The following NTM variants were observed in gnomAD, a reference collection of about 807,000 sequenced individuals.
The protein encoded by NTM is neurotrimin.
A neutral mutation model predicts 42.1 loss-of-function variants in NTM; 13 were observed. The observed-to-expected ratio is 0.31, with a 90% CI of 0.20 to 0.49. The LOEUF is 0.49. Ranked by LOEUF, NTM falls within the 20% of genes least tolerant of loss-of-function variation. NTM has a pLI of 0.99. For missense variants in NTM, 373 were observed against 452.8 expected (o/e 0.82, Z 1.60); for synonymous variants, 187 against 179.2 (o/e 1.04, Z -0.35).
At chr11:131,402,305 C>T (rs1468741797) in intron 1 of NTM, among the ~76,000 whole-genome samples, 1 of 151,694 alleles carries the variant, frequency 6.6e-6, no homozygotes, top group Non-Finnish European at 1.5e-5. Flanking sequence ...AAGAACTTGT[C>T]TAGGATTCAG....
intron 1 of NTM, among the ~76,000 whole-genome samples, chr11:131,802,526 C>T (rs1357057237): frequency 1.3e-5 from 2 of 152,232 alleles, no homozygotes; most frequent in Non-Finnish European, 2.9e-5. Flanking sequence ...GGAGGCCTGG[C>T]TGTCCCCAGA....
chr11:131,711,223 C>T (rs988808131), intron 1 of NTM, among the ~76,000 whole-genome samples: 2 of 152,082 alleles, frequency 1.3e-5, no homozygotes, highest in African/African-American at 4.8e-5. Flanking sequence ...ATTTTTGCAA[C>T]CTACTCATCT....
chr11:131,419,262 A>G (rs1947267194), intron 1 of NTM, among the ~76,000 whole-genome samples: 2 of 152,238 alleles, frequency 1.3e-5, no homozygotes. Flanking sequence ...TAGAGAGAAC[A>G]GCTAAACTGC....
At chr11:131,476,815 C>A (rs1043353351) in intron 1 of NTM, among the ~76,000 whole-genome samples, 1 of 132,044 alleles carries the variant, frequency 7.6e-6, no homozygotes, top group African/African-American at 2.7e-5. Flanking sequence ...GCTCTCTAAT[C>A]TTTATCTCAG....
At chr11:131,801,780 C>T (rs3931434) in intron 1 of NTM, among the ~76,000 whole-genome samples, 98,405 of 151,842 alleles carry the variant, frequency 0.65, 32,653 homozygotes, top group East Asian at 0.79. Context: ...TGCACAAACC[C>T]GTGCTCTTCC....
intron 1 of NTM, among the ~76,000 whole-genome samples, chr11:131,394,564 G>A (rs1408920807): frequency 3.9e-5 from 6 of 152,156 alleles, no homozygotes; most frequent in African/African-American, 1.4e-4. Context: ...ATTCTTATCT[G>A]AACGAACCTT....
chr11:131,706,306 G>A (rs1010087925), intron 1 of NTM, among the ~76,000 whole-genome samples: 2 of 151,970 alleles, frequency 1.3e-5, no homozygotes, highest in African/African-American at 2.4e-5. Flanking sequence ...AAATATGGAT[G>A]TACCCAGTAT....
At chr11:131,981,456 C>CGTCG (rs1297629906) in intron 2 of NTM, 15 of 152,128 alleles carry the variant, frequency 9.9e-5, no homozygotes, top group Non-Finnish European at 1.8e-4. Flanking sequence ...TCTGCAGGCA[C>CGTCG]GTCGTCCTCA....
chr11:132,301,433 C>T (rs542304138), intron 4 of NTM, among the ~76,000 whole-genome samples: 2 of 152,326 alleles, frequency 1.3e-5, no homozygotes, highest in South Asian at 4.1e-4. Flanking sequence ...CAGCTTCTTT[C>T]CTTTCTGGCC....
chr11:131,849,096 A>AT (rs1280812812), intron 1 of NTM, among the ~76,000 whole-genome samples: 1 of 152,106 alleles, frequency 6.6e-6, no homozygotes, highest in Non-Finnish European at 1.5e-5. Context: ...AAGCTTCCCT[A>AT]TTTTGGCTTA....
chr11:131,877,932 C>T (rs1288231052), intron 1 of NTM: 1 of 152,220 alleles, frequency 6.6e-6, no homozygotes, highest in Non-Finnish European at 1.5e-5. Flanking sequence ...ACGGTGTTCT[C>T]ACGACACCTG....
intron 1 of NTM, among the ~76,000 whole-genome samples, chr11:131,852,183 C>T (rs2045628380): frequency 1.3e-5 from 2 of 152,138 alleles, no homozygotes; most frequent in Non-Finnish European, 2.9e-5. Context: ...AAATGGCAGT[C>T]AGTGTGTGCT....
At chr11:131,939,130 G>A (rs998733118) in intron 2 of NTM, among the ~76,000 whole-genome samples, 1 of 152,128 alleles carries the variant, frequency 6.6e-6, no homozygotes, top group African/African-American at 2.4e-5. Flanking sequence ...AGAAATTGTA[G>A]CTAGAGAGGA....
intron 3 of NTM, among the ~76,000 whole-genome samples, chr11:132,210,339 C>T (rs1190983037): frequency 6.6e-6 from 1 of 152,194 alleles, no homozygotes; most frequent in African/African-American, 2.4e-5. Flanking sequence ...CTGCCAATGA[C>T]CCAACTCTGA....
chr11:132,019,426 A>G (rs1414502374), intron 2 of NTM, among the ~76,000 whole-genome samples: 1 of 151,986 alleles, frequency 6.6e-6, no homozygotes, highest in Non-Finnish European at 1.5e-5. Context: ...CTCCAACTTT[A>G]AATGGTGACT....
chr11:131,696,991 G>A (rs1425260323), intron 1 of NTM, among the ~76,000 whole-genome samples: 3 of 152,174 alleles, frequency 2.0e-5, no homozygotes, highest in Admixed American at 2.0e-4. Flanking sequence ...TTTCGTTAGT[G>A]GAATAGCCCT....
At chr11:132,157,940 G>C (rs1566327185) in intron 3 of NTM, among the ~76,000 whole-genome samples, 1 of 152,170 alleles carries the variant, frequency 6.6e-6, no homozygotes, top group African/African-American at 2.4e-5. Context: ...GGTTTATCCA[G>C]TCCTGCCTCT....
chr11:132,328,742 CT>C (rs1334193796), intron 7 of NTM, among the ~76,000 whole-genome samples: 3 of 152,078 alleles, frequency 2.0e-5, no homozygotes, highest in East Asian at 1.9e-4. Flanking sequence ...TTCCAGTTAT[CT>C]TTTTTTCTTG....
chr11:132,078,140 G>T (rs900524086), intron 2 of NTM, among the ~76,000 whole-genome samples: 1 of 152,128 alleles, frequency 6.6e-6, no homozygotes, highest in Non-Finnish European at 1.5e-5. Flanking sequence ...AAACCAAATG[G>T]ACACATCAGG....
Sources: gnomAD v4.1 joint callset for allele counts (sites outside exome capture counted in the v4.1 genomes callset) on GRCh38, gnomAD v4.1.1 for gene constraint, MANE v1.5 for transcripts, NCBI Gene and HGNC (gene_info 2026-07-23, HGNC 2026-07-21) for gene names.